The following KIT variants were observed in gnomAD, a reference collection of about 807,000 sequenced individuals.
KIT encodes the protein KIT proto-oncogene, receptor tyrosine kinase.
In KIT, 16 loss-of-function variants were observed where a neutral mutation model predicts 105.7. The ratio of observed to expected loss-of-function variants is 0.15; its 90% confidence interval spans 0.10 to 0.23. The LOEUF (loss-of-function observed/expected upper bound fraction) is 0.23, where lower values mean the gene tolerates loss of function less well. KIT is among the 10% of genes least tolerant of loss of function. The probability of loss-of-function intolerance (pLI) is 1.00; values close to 1 mark genes in which losing one functional copy is unlikely to be tolerated. For synonymous variants in KIT, 438 were observed against 441.1 expected (o/e 0.99, Z 0.09); for missense variants, 858 against 1,213.8 (o/e 0.71, Z 4.36).
chr4:54,667,123 C>T (rs186081661), intron 1 of KIT, among the ~76,000 whole-genome samples: 228 of 152,238 alleles, frequency 1.5e-3, no homozygotes, highest in Admixed American at 3.9e-3. Flanking sequence ...GCATGAAGGA[C>T]GGCTCCCAAA....
chr4:54,687,581 C>T (rs1035083285), intron 1 of KIT, among the ~76,000 whole-genome samples: 3 of 152,070 alleles, frequency 2.0e-5, no homozygotes, highest in Non-Finnish European at 4.4e-5. Context: ...ATTCCTTCCC[C>T]CTGCACTTAG....
intron 11 of KIT, 62 bp downstream of exon 11, chr4:54,727,604 G>A (rs2109778162): frequency 6.2e-7 from 1 of 1,601,880 alleles, no homozygotes; most frequent in Non-Finnish European, 8.6e-7. Flanking sequence ...GTGACTTTAA[G>A]GAACTCCAGT....
intron 8 of KIT, 81 bp downstream of exon 8, chr4:54,723,779 AT>A (rs869242721): frequency 1.2e-5 from 11 of 941,998 alleles, no homozygotes; most frequent in South Asian, 2.7e-5. Context: ...ATGTTTTCTG[AT>A]TTTTTTTAAA....
intron 7 of KIT, among the ~76,000 whole-genome samples, chr4:54,711,649 C>T (rs1372097259): frequency 6.6e-6 from 1 of 151,896 alleles, no homozygotes; most frequent in Non-Finnish European, 1.5e-5. Context: ...AGGCTGGACG[C>T]GGTGGCTCAC....
At chr4:54,672,171 C>T (rs575493794) in intron 1 of KIT, among the ~76,000 whole-genome samples, 1 of 152,298 alleles carries the variant, frequency 6.6e-6, no homozygotes, top group South Asian at 2.1e-4. Context: ...TAGGTGTTAG[C>T]CCCGTTTTGG....
intron 1 of KIT, among the ~76,000 whole-genome samples, chr4:54,664,970 G>T (rs1463432726): frequency 6.6e-6 from 1 of 151,154 alleles, no homozygotes; most frequent in Non-Finnish European, 1.5e-5. Context: ...TTTCAATAGT[G>T]TTAAGTACAT....
chr4:54,711,168 A>C (rs1290958876), intron 7 of KIT, among the ~76,000 whole-genome samples: 1 of 152,346 alleles, frequency 6.6e-6, no homozygotes, highest in East Asian at 1.9e-4. Flanking sequence ...GGAGTGAGCC[A>C]CAACACTCAA....
At position 54,727,226 on chromosome 4, in the gene KIT, C is replaced by T. The variant is rs1577994279; in HGVS notation, c.1549C>T (p.His517Tyr). 2 of 1,613,854 alleles carry T rather than the reference C, an allele frequency of 1.2e-6. No individual in the cohort carries two copies. ...AFKGNNKEQI[H>Y]PHTLFTPLLI... is the part of the protein sequence containing the mutation. ...TTTCTCTTCCATTGTAGAGCAAATC[C>T]ATCCCCACACCCTGTTCACTCCTTT... The change falls in exon 10 of 21, where the codon CAT (histidine) becomes TAT (tyrosine). Residue 517 changes from histidine to tyrosine, a missense_variant. Around this residue, in one of 7 missense-constraint regions of KIT, gnomAD observed 401 missense variants for 601.0 expected, o/e 0.67. Coordinates refer to ENST00000288135, the MANE Select transcript of KIT (RefSeq NM_000222.3).
At chr4:54,718,285 G>C (rs574259638) in intron 7 of KIT, among the ~76,000 whole-genome samples, 2 of 152,288 alleles carry the variant, frequency 1.3e-5, no homozygotes. Context: ...ATTTTTAGTA[G>C]AGATGGGATT....
At position 54,731,907 on chromosome 4, in the gene KIT, T is replaced by C. The variant is rs1264359120; in HGVS notation, c.2270T>C (p.Met757Thr). The C allele has an allele frequency of 1.2e-6, 2 of 1,613,654 alleles. No homozygotes were observed. The highest frequency in any genetic ancestry group is 1.3e-5 in the African/African-American group (1 of 74,902). Residue 757 changes from methionine to threonine, a missense_variant, in exon 16 of 21, where the codon ATG becomes ACG. Around this residue, in one of 7 missense-constraint regions of KIT, gnomAD observed 158 missense variants for 218.7 expected, o/e 0.72. Coordinates refer to ENST00000288135, the MANE Select transcript of KIT (RefSeq NM_000222.3). ...GAAAGAGATGTGACTCCCGCCATCA[T>C]GGAGGATGACGAGTTGGCCCTAGAC... Reference protein sequence around the residue: ...YIERDVTPAIMEDDELALDLE... With the variant: ...YIERDVTPAITEDDELALDLE...
chr4:54,736,350 A>G, intron 17 of KIT, 148 bp from the exon 18 acceptor site: 1 of 701,130 alleles, frequency 1.4e-6, no homozygotes, highest in Non-Finnish European at 2.6e-6. Flanking sequence ...GGATCATCTG[A>G]GTTCATATAG....
At chr4:54,669,202 T>TA (rs1717922435) in intron 1 of KIT, among the ~76,000 whole-genome samples, 3 of 133,576 alleles carry the variant, frequency 2.2e-5, no homozygotes, top group African/African-American at 8.5e-5. Flanking sequence ...ATCACTTTGA[T>TA]AAAAGAGGAC....
At chr4:54,673,179 G>A (rs1231801524) in intron 1 of KIT, among the ~76,000 whole-genome samples, 1 of 152,148 alleles carries the variant, frequency 6.6e-6, no homozygotes, top group Non-Finnish European at 1.5e-5. Context: ...CTGCTTTAAT[G>A]TGTAATTTTA....
At chr4:54,694,503 A>G (rs1430401897) in intron 1 of KIT, among the ~76,000 whole-genome samples, 1 of 152,030 alleles carries the variant, frequency 6.6e-6, no homozygotes, top group African/African-American at 2.4e-5. Context: ...AGCTGGGAAA[A>G]CAGGTTCCCA....
chr4:54,707,799 T>C (rs1282711347), intron 6 of KIT, among the ~76,000 whole-genome samples: 1 of 152,218 alleles, frequency 6.6e-6, no homozygotes, highest in African/African-American at 2.4e-5. Flanking sequence ...TTCTGAAGCA[T>C]GGTTCTAAGT....
chr4:54,691,591 A>G (rs920118047), intron 1 of KIT, among the ~76,000 whole-genome samples: 3 of 152,148 alleles, frequency 2.0e-5, no homozygotes, highest in Non-Finnish European at 2.9e-5. Context: ...AACAGCTAGA[A>G]GTTAACCCCA....
intron 11 of KIT, 70 bp downstream of exon 11, chr4:54,727,612 A>T (rs1443972245): frequency 1.9e-6 from 3 of 1,584,932 alleles, no homozygotes; most frequent in Non-Finnish European, 2.6e-6. Context: ...AAGGAACTCC[A>T]GTGGCTTCCT....
intron 7 of KIT, among the ~76,000 whole-genome samples, chr4:54,716,335 G>T (rs569045989): frequency 6.6e-6 from 1 of 152,110 alleles, no homozygotes; most frequent in East Asian, 1.9e-4. Flanking sequence ...TTTGTATGCT[G>T]CATGTTTTTA....
At chr4:54,690,221 G>A (rs2109640973) in intron 1 of KIT, among the ~76,000 whole-genome samples, 1 of 152,172 alleles carries the variant, frequency 6.6e-6, no homozygotes, top group East Asian at 1.9e-4. Context: ...TACAAGTATG[G>A]GTTTGAGTTT....
Sources: gnomAD v4.1 joint callset for allele counts (sites outside exome capture counted in the v4.1 genomes callset) on GRCh38, gnomAD v4.1.1 for gene constraint, gnomAD v4.1.1 regional missense constraint, MANE v1.5 for transcripts, NCBI Gene and HGNC (gene_info 2026-07-23, HGNC 2026-07-21) for gene names.